MMP21: variants seen among roughly 807,000 people sequenced by gnomAD.
The protein encoded by MMP21 is matrix metalloproteinase-21.
Under a neutral mutation model 47.8 loss-of-function variants are expected in MMP21, and 40 were observed. The observed-to-expected ratio is 0.84, with a 90% CI of 0.65 to 1.09. The LOEUF (loss-of-function observed/expected upper bound fraction) is 1.09, where lower values mean the gene tolerates loss of function less well. Ranked by LOEUF, MMP21 falls within the 50% of genes least tolerant of loss-of-function variation. The pLI is 0.00. For synonymous variants in MMP21, 341 were observed against 318.0 expected (o/e 1.07, Z -0.77); for missense variants, 747 against 775.3 (o/e 0.96, Z 0.43).
At position 125,772,650 on chromosome 10, in the gene MMP21, G is replaced by T; in HGVS notation, c.798C>A (p.Phe266Leu). 6.2e-7 allele frequency: 1 copy of T among 1,614,228 alleles called. No individual in the cohort carries two copies. Among genetic ancestry groups the T allele is most frequent in the Non-Finnish European group, 8.5e-7 (1 of 1,180,032 alleles). Reference sequence around the variant, plus strand: ...TGCCCGTGTCACTGGTGGGAGGTGTGAAGTGCTCGTCGTCGTCAAAGTGAA... The same window carrying T: ...TGCCCGTGTCACTGGTGGGAGGTGTTAAGTGCTCGTCGTCGTCAAAGTGAA... ...GDIHFDDDEHFTPPTSDTGIS... is the reference protein window; with the variant it reads ...GDIHFDDDEHLTPPTSDTGIS... The change falls in exon 3 of 7, where the codon TTC becomes TTA. Residue 266 changes from phenylalanine (F) to leucine (L), a missense_variant. Coordinates refer to ENST00000368808, the MANE Select transcript of MMP21 (RefSeq NM_147191.1). The surrounding 1 kb of genome is among the most constrained non-coding windows in gnomAD (Gnocchi z 5.6).
Position 125,770,329 on chromosome 10 carries a change from T to C in MMP21, c.1237+5A>G. On this transcript the variant is annotated splice_donor_5th_base_variant and intron_variant, in intron 5 of 6. Transcript: ENST00000368808. ...GAAATAGAACCATCCATGAAGAATC[T>C]GTACCTTGAAAAAAATAACGTTCAT... is the stretch of plus-strand genomic sequence containing the variant. 6.2e-7 allele frequency: 1 copy of C among 1,614,068 alleles called. No individual in the cohort carries two copies. Among genetic ancestry groups the C allele is most frequent in the East Asian group, 2.2e-5 (1 of 44,880 alleles).
chr10:125,774,544 A>C (rs1850494602), intron 1 of MMP21, among the ~76,000 whole-genome samples, 179 bp from the exon 2 acceptor site: 1 of 152,232 alleles, frequency 6.6e-6, no homozygotes, highest in Admixed American at 6.5e-5. Context: ...ACAGAGAGAG[A>C]TAGAGATACA....
At chr10:125,769,873 T>C (rs1850426896) in intron 5 of MMP21, among the ~76,000 whole-genome samples, 1 of 152,084 alleles carries the variant, frequency 6.6e-6, no homozygotes, top group Non-Finnish European at 1.5e-5. Context: ...AGGGCCTGGG[T>C]GCAGTGGTTC....
rs762714669 is a variant in MMP21, at chr10:125,767,531, C to A, written c.1410+1G>T. 9.3e-6 allele frequency: 15 copies of A among 1,613,796 alleles called. No homozygotes were observed. Among genetic ancestry groups the A allele is most frequent in the Non-Finnish European group, 1.0e-5 (12 of 1,179,778 alleles). On this transcript the variant is annotated splice_donor_variant, in intron 6 of 6. Coordinates refer to ENST00000368808, the MANE Select transcript of MMP21 (RefSeq NM_147191.1). LOFTEE classifies it high-confidence loss of function. ...GCTAGGCTGAAGAGCCTTCTACTTA[C>A]AAGGGACTCCTTGAAGAAGTAAATT... is the stretch of plus-strand genomic sequence containing the variant.
In MMP21 at chr10:125,773,939, T is replaced by A. The variant is rs1189116724; in HGVS notation, c.589A>T (p.Ile197Phe). The A allele has an allele frequency of 1.3e-6, 2 of 1,585,550 alleles. No individual in the cohort carries two copies. Among genetic ancestry groups the A allele is most frequent in the South Asian group, 2.2e-5 (2 of 89,614 alleles). ...SQLSVADQRRIVALAFRMWSE... is the reference protein window; with the variant it reads ...SQLSVADQRRFVALAFRMWSE... ...CACATCCTGAAGGCCAGCGCCACAATGCGCCGCTGGTCGGCCACGGACAGT... is the reference window on the plus strand; with the variant it reads ...CACATCCTGAAGGCCAGCGCCACAAAGCGCCGCTGGTCGGCCACGGACAGT... The change falls in exon 2 of 7, where the codon ATT becomes TTT. Residue 197 changes from isoleucine to phenylalanine, a missense_variant. By Grantham distance (21) the Ile-to-Phe change is conservative. Coordinates refer to ENST00000368808, the MANE Select transcript of MMP21 (RefSeq NM_147191.1). The surrounding 1 kb of genome is among the most constrained non-coding windows in gnomAD (Gnocchi z 4.8).
rs1243263314 is a variant in MMP21, at chr10:125,772,272, C to T, written c.925G>A (p.Glu309Lys). Residue 309 changes from glutamate to lysine, a missense_variant, in exon 4 of 7, where the codon GAG (glutamate) becomes AAG (lysine). Physicochemically the swap from Glu to Lys is moderately conservative, Grantham distance 56. Transcript: ENST00000368808. This position sits in a 1 kb window ranked among gnomAD's most constrained non-coding sequence, Gnocchi z 5.6. ...GACCAGTCCAACTCAAAGGCAGGCTCCTGGGGAATGTAATTTGGTTGCATT... is the reference window on the plus strand; with the variant it reads ...GACCAGTCCAACTCAAAGGCAGGCTTCTGGGGAATGTAATTTGGTTGCATT... ...SIMQPNYIPQ[E>K]PAFELDWSDR... 1.2e-6 allele frequency: 2 copies of T among 1,614,080 alleles called. No individual in the cohort carries two copies. Among genetic ancestry groups the T allele is most frequent in the Non-Finnish European group, 1.7e-6 (2 of 1,180,046 alleles).
At position 125,772,093 on chromosome 10, in the gene MMP21, G is replaced by T. The variant is rs1283772842; in HGVS notation, c.979+125C>A. The T allele has an allele frequency of 1.6e-5, 19 of 1,189,330 alleles. No individual in the cohort carries two copies. The highest frequency in any genetic ancestry group is 2.3e-5 in the Non-Finnish European group (19 of 835,004). 73.7% of individuals were successfully genotyped at this position (1,189,330 alleles called of 1,614,324 possible). A position where few individuals can be genotyped will look rare whatever the true frequency, so the allele number is the denominator to read the frequency against. On this transcript the variant is annotated intron_variant, in intron 4 of 6. Coordinates refer to ENST00000368808, the MANE Select transcript of MMP21 (RefSeq NM_147191.1). The surrounding 1 kb of genome is among the most constrained non-coding windows in gnomAD (Gnocchi z 5.6). ...AGCTAGAGGGTGGCTACCCTTGGGT[G>T]ACATGAGTTGTACAACGTTGCGCTC...
chr10:125,771,886 G>A (rs1246344448), intron 4 of MMP21, among the ~76,000 whole-genome samples: 1 of 152,162 alleles, frequency 6.6e-6, no homozygotes, highest in African/African-American at 2.4e-5. Context: ...TAAACTCCCA[G>A]GGCTTCCAGT....
chr10:125,775,614 C>G, intron 1 of MMP21, 46 bp downstream of exon 1: 1 of 1,536,742 alleles, frequency 6.5e-7, no homozygotes. Flanking sequence ...CCTGTGTGCA[C>G]GTGCACGGGC....
At chr10:125,768,743 A>G (rs756899474) in intron 5 of MMP21, among the ~76,000 whole-genome samples, 1 of 152,260 alleles carries the variant, frequency 6.6e-6, no homozygotes, top group African/African-American at 2.4e-5. Flanking sequence ...CAGTTACCCT[A>G]TGATGACCTA....
intron 4 of MMP21, among the ~76,000 whole-genome samples, chr10:125,770,984 C>A (rs1054934438): frequency 1.3e-5 from 2 of 151,912 alleles, no homozygotes; most frequent in African/African-American, 2.4e-5. Flanking sequence ...GAGCTGAGAT[C>A]AGTCCACTAC....
In MMP21 at chr10:125,772,442, G is replaced by C; in HGVS notation, c.838-83C>G. ...TAACAGACGCAGGCCTGTGCTTCGA[G>C]AGGAGCGTTGCTTGTGAAGAGGGGA... On this transcript the variant is annotated intron_variant, in intron 3 of 6. Coordinates refer to ENST00000368808, the MANE Select transcript of MMP21 (RefSeq NM_147191.1). This position sits in a 1 kb window ranked among gnomAD's most constrained non-coding sequence, Gnocchi z 5.6. 6.3e-7 allele frequency: 1 copy of C among 1,586,140 alleles called. No individual in the cohort carries two copies. Among genetic ancestry groups the C allele is most frequent in the Non-Finnish European group, 8.6e-7 (1 of 1,161,386 alleles).
rs1262824951 is a variant in MMP21, at chr10:125,774,348, G to A, written c.180C>T (p.Tyr60=). Residue 60 remains tyrosine, a synonymous_variant, in exon 2 of 7, where the codon TAC becomes TAT. Coordinates refer to ENST00000368808, the MANE Select transcript of MMP21 (RefSeq NM_147191.1). Reference sequence around the variant, plus strand: ...AGGCCGCCCACACCCCTGACCAGCCGTATCTGGACAGGAACCGCTGTGGGA... The same window carrying A: ...AGGCCGCCCACACCCCTGACCAGCCATATCTGGACAGGAACCGCTGTGGGA... The part of the protein sequence containing the change: ...LHAAQRFLSR[Y]GWSGVWAAWG... 1.4e-6 allele frequency: 2 copies of A among 1,383,052 alleles called. No individual in the cohort carries two copies. The highest frequency in any genetic ancestry group is 1.9e-6 in the Non-Finnish European group (2 of 1,073,356). The allele number at this position is 1,383,052 out of a possible 1,614,324, so 85.7% of individuals were successfully genotyped here.
In MMP21 at chr10:125,773,902, G is replaced by A. The variant is rs778679455; in HGVS notation, c.626C>T (p.Thr209Met). The A allele has an allele frequency of 3.8e-6, 6 of 1,581,396 alleles. No individual in the cohort carries two copies. The highest frequency in any genetic ancestry group is 2.8e-5 in the African/African-American group (2 of 72,676). The change falls in exon 2 of 7, where the codon ACG becomes ATG. Residue 209 changes from threonine to methionine, a missense_variant. Coordinates refer to ENST00000368808, the MANE Select transcript of MMP21 (RefSeq NM_147191.1). This position sits in a 1 kb window ranked among gnomAD's most constrained non-coding sequence, Gnocchi z 4.8. The stretch of plus-strand genomic sequence containing the variant: ...CAGGTCCTCGCGGAAGTCCAGCGGC[G>A]TCACCTCGCTCCACATCCTGAAGGC... ...ALAFRMWSEV[T>M]PLDFREDLAA... is the part of the protein sequence containing the mutation.
At chr10:125,774,770 C>G (rs1480679041) in intron 1 of MMP21, among the ~76,000 whole-genome samples, 1 of 152,074 alleles carries the variant, frequency 6.6e-6, no homozygotes, top group African/African-American at 2.4e-5. Context: ...CCCGGCCTTG[C>G]GGGGCAGGTC....
Position 125,772,236 on chromosome 10 carries a change from C to G in MMP21, c.961G>C (p.Ala321Pro), listed in dbSNP as rs773125891. Residue 321 changes from alanine to proline, a missense_variant, in exon 4 of 7, where the codon GCA becomes CCA. Transcript: ENST00000368808. The surrounding 1 kb of genome is among the most constrained non-coding windows in gnomAD (Gnocchi z 5.6). ...AFELDWSDRK[A>P]IQKLYGSCEG... ...GTCTTACCATACAGCTTTTGAATTGCTTTCCTGTCTGACCAGTCCAACTCA... is the reference window on the plus strand; with the variant it reads ...GTCTTACCATACAGCTTTTGAATTGGTTTCCTGTCTGACCAGTCCAACTCA... 2 of 1,614,166 alleles carry G rather than the reference C, an allele frequency of 1.2e-6. No homozygotes were observed. The highest frequency in any genetic ancestry group is 1.6e-4 in the Middle Eastern group (1 of 6,062).
rs1048285566 is a variant in MMP21, at chr10:125,772,721, C to A, written c.727G>T (p.Asp243Tyr). 1.2e-6 allele frequency: 2 copies of A among 1,613,922 alleles called. No homozygotes were observed. Among genetic ancestry groups the A allele is most frequent in the African/African-American group, 1.3e-5 (1 of 74,920 alleles). Residue 243 changes from aspartate (D) to tyrosine (Y), a missense_variant, in exon 3 of 7, where the codon GAT becomes TAT. By Grantham distance (160) the Asp-to-Tyr change is radical. Coordinates refer to ENST00000368808, the MANE Select transcript of MMP21 (RefSeq NM_147191.1). The surrounding 1 kb of genome is among the most constrained non-coding windows in gnomAD (Gnocchi z 5.6). Reference protein sequence around the residue: ...GRHLGCPRAFDGSGQEFAHAW... With the variant: ...GRHLGCPRAFYGSGQEFAHAW... ...TGTGCAAACTCCTGCCCGCTCCCAT[C>A]GAAGGCCCGCGGACAGCCCAGGTGC...
intron 4 of MMP21, 28 bp from the exon 5 acceptor site, chr10:125,770,619 C>T (rs762577062): frequency 1.2e-6 from 2 of 1,610,530 alleles, no homozygotes; most frequent in South Asian, 1.1e-5. Flanking sequence ...AAAACAGCCA[C>T]TTGTCACATA....
chr10:125,772,851 G>T lies in MMP21; in HGVS notation c.698-101C>A. ...CCAGCCTCCAGGAGCCGGCAGCAGAGGTAGACAGAGTGGCAGCTCCTGGAT... is the reference window on the plus strand; with the variant it reads ...CCAGCCTCCAGGAGCCGGCAGCAGATGTAGACAGAGTGGCAGCTCCTGGAT... On this transcript the variant is annotated intron_variant, in intron 2 of 6. Transcript: ENST00000368808. This position sits in a 1 kb window ranked among gnomAD's most constrained non-coding sequence, Gnocchi z 5.6. 1.5e-6 allele frequency: 2 copies of T among 1,354,662 alleles called. No homozygotes were observed. Among genetic ancestry groups the T allele is most frequent in the Non-Finnish European group, 2.0e-6 (2 of 986,954 alleles). The allele number at this position is 1,354,662 out of a possible 1,614,324, so 83.9% of individuals were successfully genotyped here.
Sources: allele counts gnomAD v4.1 joint callset (sites outside exome capture counted in the v4.1 genomes callset), GRCh38; gene constraint gnomAD v4.1.1; non-coding constraint Gnocchi (gnomAD v3.1); transcripts MANE v1.5; gene names NCBI Gene and HGNC (gene_info 2026-07-23, HGNC 2026-07-21).